Variants in MIGA1 observed in about 807,000 individuals in gnomAD.
MIGA1 encodes the protein family with sequence similarity 73, member A.
Under a neutral mutation model 82.0 loss-of-function variants are expected in MIGA1, and 58 were observed. The observed-to-expected ratio is 0.71, with a 90% confidence interval of 0.57 to 0.88. MIGA1 has a LOEUF of 0.88. MIGA1 is among the 40% of genes least tolerant of loss of function. MIGA1 has a pLI of 0.00. For missense variants in MIGA1, 751 were observed against 749.1 expected, an observed-to-expected ratio of 1.00 and a Z score of -0.03; for synonymous variants, 249 against 253.6, an observed-to-expected ratio of 0.98 and a Z score of 0.17.
intron 7 of MIGA1, among the ~76,000 whole-genome samples, chr1:77,834,237 G>A (rs959671150): frequency 6.6e-6 from 1 of 152,024 alleles, no homozygotes; most frequent in Admixed American, 6.6e-5. Flanking sequence ...GCGCAGTGGC[G>A]TGATCCTAAC....
rs563544823 is a variant in MIGA1, at chr1:77,825,672, G to T, written c.895+10441G>T. ...TTCCATTATTGTGCAAGTTCTTCTA[G>T]CTAAAAGTATCTGGAAGTGTTATGT... is the stretch of plus-strand genomic sequence containing the variant. On this transcript the variant is annotated intron_variant, in intron 7 of 15. Transcript: ENST00000370791. 7.2e-4 allele frequency among the ~76,000 whole-genome samples: 110 copies of T among 152,264 alleles called. 2 individuals are homozygous for T. In the Middle Eastern group the frequency reaches 0.027, roughly 38 times the overall value.
At chr1:77,833,488 C>T (rs1384525311) in intron 7 of MIGA1, among the ~76,000 whole-genome samples, 2 of 152,122 alleles carry the variant, frequency 1.3e-5, no homozygotes, top group East Asian at 1.9e-4. Flanking sequence ...TTGCCTTTGC[C>T]TGTTTTGTGT....
chr1:77,854,652 G>A (rs1685177743), intron 8 of MIGA1, among the ~76,000 whole-genome samples: 1 of 152,164 alleles, frequency 6.6e-6, no homozygotes. Flanking sequence ...CCTGATCATA[G>A]TGATGTTGAG....
intron 7 of MIGA1, among the ~76,000 whole-genome samples, chr1:77,840,078 G>C (rs184499952): frequency 3.3e-4 from 50 of 152,250 alleles, no homozygotes; most frequent in Non-Finnish European, 5.9e-5. Context: ...AAATTTAATT[G>C]GATGCATGAA....
At chr1:77,805,743 G>A (rs1408235771) in intron 4 of MIGA1, among the ~76,000 whole-genome samples, 2 of 151,618 alleles carry the variant, frequency 1.3e-5, no homozygotes, top group Non-Finnish European at 2.9e-5. Flanking sequence ...GGCTGGTCTC[G>A]AACTCCTGAC....
chr1:77,861,558 G>A (rs1571009574), intron 12 of MIGA1: 1 of 428,026 alleles, frequency 2.3e-6, no homozygotes, highest in East Asian at 4.5e-5. Flanking sequence ...CTTCCCTCCT[G>A]TCCTCCTTCC....
chr1:77,800,172 T>C (rs1682817971), intron 2 of MIGA1, among the ~76,000 whole-genome samples: 3 of 152,204 alleles, frequency 2.0e-5, no homozygotes, highest in Admixed American at 2.0e-4. Flanking sequence ...GGGAGACTTT[T>C]GTAGGACTCT....
intron 8 of MIGA1, among the ~76,000 whole-genome samples, 173 bp from the exon 9 acceptor site, chr1:77,858,765 C>CTCCT (rs1685357672): frequency 6.6e-6 from 1 of 152,148 alleles, no homozygotes; most frequent in Non-Finnish European, 1.5e-5. Context: ...ACCACAGGTG[C>CTCCT]ATGCCTCCAC....
chr1:77,779,952 A>G lies in MIGA1; in HGVS notation c.81+216A>G, dbSNP rs1471648335. ...CGACCTCGTCTCATCTCAGAAGCTAAGCAGGGTCGGGCCTGGTTAGTACTT... is the reference window on the plus strand; with the variant it reads ...CGACCTCGTCTCATCTCAGAAGCTAGGCAGGGTCGGGCCTGGTTAGTACTT... On this transcript the variant is annotated intron_variant, in intron 1 of 15. Coordinates refer to ENST00000370791, the MANE Select transcript of MIGA1 (RefSeq NM_198549.4). 5 of 1,363,130 alleles carry G rather than the reference A, an allele frequency of 3.7e-6. No individual in the cohort carries two copies. The East Asian group carries it at 1.5e-4, about 41-fold the overall frequency. 84.4% of individuals were successfully genotyped at this position (1,363,130 alleles called of 1,614,324 possible). A position where few individuals can be genotyped will look rare whatever the true frequency, so the allele number is the denominator to read the frequency against.
intron 7 of MIGA1, among the ~76,000 whole-genome samples, chr1:77,827,475 A>AAAAAT (rs917739103): frequency 9.9e-5 from 15 of 152,036 alleles, no homozygotes; most frequent in Admixed American, 3.3e-4. Context: ...CCCTGTCTCA[A>AAAAAT]AAAATAAAAT....
At chr1:77,787,135 C>T (rs1043276978) in intron 2 of MIGA1, among the ~76,000 whole-genome samples, 2 of 152,120 alleles carry the variant, frequency 1.3e-5, no homozygotes, top group Non-Finnish European at 2.9e-5. Context: ...TCTCGTGAGA[C>T]TTATGCGCTG....
chr1:77,807,126 A>T (rs112864778), intron 5 of MIGA1, 25 bp downstream of exon 5: 1 of 1,531,826 alleles, frequency 6.5e-7, no homozygotes, highest in Non-Finnish European at 8.9e-7. Context: ...ATAACATTTT[A>T]AGATACTGTG....
intron 7 of MIGA1, among the ~76,000 whole-genome samples, chr1:77,815,709 T>G (rs1683546491): frequency 6.6e-6 from 1 of 152,204 alleles, no homozygotes; most frequent in Admixed American, 6.5e-5. Flanking sequence ...AGAAAAGAGT[T>G]TTAAAGATAC....
chr1:77,794,004 G>A (rs559265669), intron 2 of MIGA1, among the ~76,000 whole-genome samples: 15 of 151,254 alleles, frequency 9.9e-5, no homozygotes, highest in Non-Finnish European at 2.1e-4. Context: ...GGCCAGGCTG[G>A]TCTCGAACTC....
At chr1:77,869,343 T>C (rs1196382929) in intron 14 of MIGA1, among the ~76,000 whole-genome samples, 4 of 147,544 alleles carry the variant, frequency 2.7e-5, no homozygotes, top group East Asian at 4.0e-4. Flanking sequence ...TGTCTACTTC[T>C]ATCCACACAG....
chr1:77,844,135 T>TATATATATATATAG (rs1376030825), intron 8 of MIGA1, among the ~76,000 whole-genome samples: 43 of 112,520 alleles, frequency 3.8e-4, no homozygotes, highest in African/African-American at 1.6e-3. Flanking sequence ...TATATATATA[T>TATATATATATATAG]ATAGATAGAT....
chr1:77,821,693 C>T (rs1433167754), intron 7 of MIGA1, among the ~76,000 whole-genome samples: 1 of 152,130 alleles, frequency 6.6e-6, no homozygotes, highest in Non-Finnish European at 1.5e-5. Context: ...CGCGCCTGGC[C>T]AAATAGTTTT....
intron 14 of MIGA1, among the ~76,000 whole-genome samples, chr1:77,868,069 C>T (rs1044598664): frequency 2.0e-5 from 3 of 152,064 alleles, no homozygotes; most frequent in Admixed American, 1.3e-4. Flanking sequence ...GGTGTTAATG[C>T]CTACTTAATA....
chr1:77,813,587 G>A lies in MIGA1; in HGVS notation c.638-147G>A, dbSNP rs1392699345. On this transcript the variant is annotated intron_variant, in intron 5 of 15. Coordinates refer to ENST00000370791, the MANE Select transcript of MIGA1 (RefSeq NM_198549.4). ...GGCTGAGAATGTATTGGGAAACTAA[G>A]ATTCTGTCATGAAATGATGTATGAT... is the stretch of plus-strand genomic sequence containing the variant. 3.5e-6 allele frequency: 3 copies of A among 864,780 alleles called. No homozygotes were observed. The East Asian group carries it at 7.9e-5, about 23-fold the overall frequency. The allele number at this position is 864,780 out of a possible 1,614,324, so 53.6% of individuals were successfully genotyped here.
Sources: allele counts gnomAD v4.1 joint callset (sites outside exome capture counted in the v4.1 genomes callset), GRCh38; gene constraint gnomAD v4.1.1; transcripts MANE v1.5; gene names NCBI Gene and HGNC (gene_info 2026-07-23, HGNC 2026-07-21).